The following AFAP1 variants were observed in gnomAD, a reference collection of about 807,000 sequenced individuals.
AFAP1 encodes the protein actin filament-associated protein 1.
AFAP1 carries 75 observed loss-of-function variants against 93.9 expected under a neutral mutation model. The ratio of observed to expected loss-of-function variants is 0.80; its 90% CI spans 0.66 to 0.97. The LOEUF (loss-of-function observed/expected upper bound fraction) is 0.97. Among genes scored for constraint, AFAP1 ranks in the 50% least tolerant of loss-of-function variants. The pLI, the probability that AFAP1 is intolerant of heterozygous loss-of-function variation, is 0.00. For missense variants in AFAP1, 1,201 were observed against 1,050.8 expected (o/e 1.14, Z -1.98); for synonymous variants, 517 against 430.7 (o/e 1.20, Z -2.48).
At chr4:7,854,370 G>A (rs1714800770) in intron 4 of AFAP1, among the ~76,000 whole-genome samples, 2 of 152,190 alleles carry the variant, frequency 1.3e-5, no homozygotes, top group African/African-American at 4.8e-5. Context: ...GCAAGCGGGA[G>A]CAGCTGGCAC....
At chr4:7,793,115 A>C (rs1224462309) in intron 11 of AFAP1, among the ~76,000 whole-genome samples, 1 of 152,216 alleles carries the variant, frequency 6.6e-6, no homozygotes, top group Non-Finnish European at 1.5e-5. Context: ...CATTATGTTA[A>C]AGAAATATTC....
At position 7,811,899 on chromosome 4, in the gene AFAP1, A is replaced by T. The variant is rs149296090; in HGVS notation, c.905-2136T>A. On this transcript the variant is annotated intron_variant, in intron 8 of 17. Transcript: ENST00000420658. ...GTGTGACTTTAAACAAATCAGACTT[A>T]GGCCTCCTGTGATATTAGAAACAAA... Among the ~76,000 whole-genome samples the T allele has an allele frequency of 7.4e-3, 1,126 of 152,114 alleles. 7 individuals are homozygous for T. The highest frequency in any genetic ancestry group is 0.012 in the Non-Finnish European group (798 of 67,986).
chr4:7,863,285 G>A (rs1268184537), intron 3 of AFAP1, among the ~76,000 whole-genome samples: 1 of 152,144 alleles, frequency 6.6e-6, no homozygotes, highest in African/African-American at 2.4e-5. Flanking sequence ...CAGACATGAT[G>A]GTGCGTGCCT....
intron 8 of AFAP1, among the ~76,000 whole-genome samples, chr4:7,813,649 G>C (rs1288977195): frequency 1.3e-5 from 2 of 152,140 alleles, no homozygotes; most frequent in African/African-American, 4.8e-5. Flanking sequence ...TAGCTTTCCT[G>C]GTTTTGATTA....
At chr4:7,884,333 G>A (rs73073931) in intron 1 of AFAP1, among the ~76,000 whole-genome samples, 3,930 of 152,140 alleles carry the variant, frequency 0.026, 81 homozygotes, top group South Asian at 0.067. Context: ...GGCCTAACCC[G>A]TATATCAACA....
chr4:7,939,316 G>A lies in AFAP1; in HGVS notation c.-3+340C>T, dbSNP rs922516483. The A allele has an allele frequency of 1.9e-5, 6 of 314,896 alleles. No homozygotes were observed. Among genetic ancestry groups the A allele is most frequent in the Non-Finnish European group, 3.2e-5 (5 of 158,646 alleles). The allele number at this position is 314,896 out of a possible 1,614,324, so 19.5% of individuals were successfully genotyped here. A position where few individuals can be genotyped will look rare whatever the true frequency, so the allele number is the denominator to read the frequency against. ...CTTGGTGACCCGGACCCCGCCCCAC[G>A]AGTGGGTCTTCGCAGGGCCCCCTCT... On this transcript the variant is annotated intron_variant, in intron 1 of 17. Transcript: ENST00000420658. The surrounding 1 kb of genome is among the most constrained non-coding windows in gnomAD (Gnocchi z 5.6).
chr4:7,878,870 T>C (rs1717677428), intron 1 of AFAP1, among the ~76,000 whole-genome samples: 1 of 152,034 alleles, frequency 6.6e-6, no homozygotes, highest in Non-Finnish European at 1.5e-5. Context: ...TAACACTGAC[T>C]CTCTAAATTT....
At chr4:7,802,934 C>T (rs1051826083) in intron 9 of AFAP1, among the ~76,000 whole-genome samples, 1 of 152,150 alleles carries the variant, frequency 6.6e-6, no homozygotes, top group African/African-American at 2.4e-5. Flanking sequence ...TAGGCCAATA[C>T]ATTTAGTCTT....
chr4:7,905,774 G>GAT (rs1719361400), intron 1 of AFAP1, among the ~76,000 whole-genome samples: 1 of 152,168 alleles, frequency 6.6e-6, no homozygotes, highest in Non-Finnish European at 1.5e-5. Context: ...AAGGCAAGAT[G>GAT]ATACAATCAC....
At chr4:7,822,150 C>G (rs1242216706) in intron 6 of AFAP1, among the ~76,000 whole-genome samples, 1 of 152,180 alleles carries the variant, frequency 6.6e-6, no homozygotes, top group Non-Finnish European at 1.5e-5. Context: ...TTTCTTTTCA[C>G]TAGGGAAGGC....
intron 1 of AFAP1, among the ~76,000 whole-genome samples, chr4:7,884,647 G>T (rs1238860109): frequency 2.0e-5 from 3 of 152,118 alleles, no homozygotes; most frequent in Non-Finnish European, 4.4e-5. Context: ...AAAAAGAAAA[G>T]ATGAAACTCC....
intron 12 of AFAP1, 42 bp from the exon 13 acceptor site, chr4:7,781,669 G>A (rs1387835080): frequency 2.6e-6 from 4 of 1,545,172 alleles, no homozygotes; most frequent in Admixed American, 2.0e-5. Flanking sequence ...TTGGACACAG[G>A]AAACAGCAGC....
chr4:7,770,166 C>T (rs545533810), intron 16 of AFAP1, among the ~76,000 whole-genome samples: 36 of 152,288 alleles, frequency 2.4e-4, no homozygotes, highest in East Asian at 7.7e-4. Flanking sequence ...GGACTGGGAG[C>T]GGGGAAGCAG....
chr4:7,761,518 G>C lies in AFAP1; in HGVS notation c.*2247C>G, dbSNP rs1713797011. 1 of 152,270 alleles carries C rather than the reference G, an allele frequency of 6.6e-6. No individual in the cohort carries two copies. The highest frequency in any genetic ancestry group is 6.5e-5 in the Admixed American group (1 of 15,282). 9.4% of individuals were successfully genotyped at this position (152,270 alleles called of 1,614,324 possible). ...ACGGCTAAGGCCCACGTGACACTTT[G>C]CGTGCTGCTCACACTTCACCTGCCA... On this transcript the variant is annotated 3_prime_UTR_variant, in exon 18 of 18. Transcript: ENST00000420658.
intron 3 of AFAP1, among the ~76,000 whole-genome samples, chr4:7,856,434 G>C (rs762147283): frequency 2.0e-5 from 3 of 152,014 alleles, no homozygotes; most frequent in Admixed American, 1.3e-4. Context: ...GTAGAGACAG[G>C]GTTTCACCGT....
intron 3 of AFAP1, among the ~76,000 whole-genome samples, chr4:7,865,570 G>A (rs1716303599): frequency 6.6e-6 from 1 of 152,124 alleles, no homozygotes; most frequent in Non-Finnish European, 1.5e-5. Context: ...CATAGGCCAG[G>A]GAAAGCAAGA....
At chr4:7,863,858 G>A (rs145859821) in intron 3 of AFAP1, among the ~76,000 whole-genome samples, 179 of 150,960 alleles carry the variant, frequency 1.2e-3, no homozygotes, top group African/African-American at 3.9e-3. Context: ...AATAAAGTGC[G>A]GTTGTGCTTC....
chr4:7,828,043 G>A (rs375234872), intron 6 of AFAP1, among the ~76,000 whole-genome samples: 5 of 152,314 alleles, frequency 3.3e-5, no homozygotes, highest in East Asian at 1.9e-4. Flanking sequence ...AATTCAGCCC[G>A]GTGAATATTA....
chr4:7,825,050 T>C (rs1408547385), intron 6 of AFAP1, among the ~76,000 whole-genome samples: 2 of 152,254 alleles, frequency 1.3e-5, no homozygotes, highest in East Asian at 3.8e-4. Flanking sequence ...TGTTAGAGAC[T>C]TGTTAACCCT....
Sources: allele counts gnomAD v4.1 joint callset (sites outside exome capture counted in the v4.1 genomes callset), GRCh38; gene constraint gnomAD v4.1.1; non-coding constraint Gnocchi (gnomAD v3.1); transcripts MANE v1.5; gene names NCBI Gene and HGNC (gene_info 2026-07-23, HGNC 2026-07-21).